Variants in NKAIN3 observed in about 807,000 individuals in gnomAD.
NKAIN3 encodes the protein sodium/potassium transporting ATPase interacting 3.
Under a neutral mutation model 30.2 loss-of-function variants are expected in NKAIN3, and 25 were observed. The observed-to-expected ratio is 0.83, with a 90% CI of 0.60 to 1.16. The LOEUF is 1.16. NKAIN3 is among the 50% of genes most tolerant of loss of function. NKAIN3 has a pLI of 0.00. For missense variants in NKAIN3, 225 were observed against 254.1 expected, an observed-to-expected ratio of 0.89 and a Z score of 0.78; for synonymous variants, 91 against 89.6, an observed-to-expected ratio of 1.02 and a Z score of -0.09.
rs1824168852 is a variant in NKAIN3 at position 62,984,762 on chromosome 8, G to A, written c.*19355G>A. 1 of 152,120 alleles carries A rather than the reference G, an allele frequency of 6.6e-6. No homozygotes were observed. Among genetic ancestry groups the A allele is most frequent in the South Asian group, 2.1e-4 (1 of 4,826 alleles). The allele number at this position is 152,120 out of a possible 1,614,324, so 9.4% of individuals were successfully genotyped here. On this transcript the variant is annotated 3_prime_UTR_variant, in exon 7 of 7. Transcript: ENST00000623646. ...CTGTATATTATACTCATATTTGAAA[G>A]TGATCAGAAAGTGTTATTTAACAGA...
intron 3 of NKAIN3, among the ~76,000 whole-genome samples, chr8:62,641,592 G>A (rs1230906903): frequency 1.3e-5 from 2 of 152,158 alleles, no homozygotes; most frequent in African/African-American, 4.8e-5. Flanking sequence ...CCTGACTCTA[G>A]ACAGACTCAA....
At chr8:62,544,633 TA>T (rs1195052995) in intron 1 of NKAIN3, among the ~76,000 whole-genome samples, 3 of 150,986 alleles carry the variant, frequency 2.0e-5, no homozygotes, top group Admixed American at 1.3e-4. Flanking sequence ...TATTATCCCC[TA>T]AAGTTCTTCA....
chr8:62,927,870 A>G (rs566468197), intron 5 of NKAIN3, among the ~76,000 whole-genome samples: 11 of 152,350 alleles, frequency 7.2e-5, no homozygotes, highest in Admixed American at 2.0e-4. Context: ...AGACAATAAA[A>G]GAGATGTTTA....
At chr8:62,766,556 T>C (rs550124008) in intron 4 of NKAIN3, among the ~76,000 whole-genome samples, 10 of 152,288 alleles carry the variant, frequency 6.6e-5, no homozygotes, top group Middle Eastern at 3.4e-3. Flanking sequence ...CTGAGCCAGA[T>C]GCTGAAATGA....
intron 1 of NKAIN3, among the ~76,000 whole-genome samples, chr8:62,316,573 C>G (rs944266054): frequency 2.6e-5 from 4 of 152,088 alleles, no homozygotes; most frequent in African/African-American, 9.7e-5. Context: ...ATGATGGTTT[C>G]CAGCTTCATC....
intron 1 of NKAIN3, among the ~76,000 whole-genome samples, chr8:62,558,883 TG>T (rs1809485100): frequency 6.6e-6 from 1 of 152,116 alleles, no homozygotes; most frequent in African/African-American, 2.4e-5. Context: ...ATGTTGTTTT[TG>T]CTTTCATACA....
Position 62,668,968 on chromosome 8 carries a change from A to G in NKAIN3, c.274-77964A>G, listed in dbSNP as rs567520334. Reference sequence around the variant, plus strand: ...TCTCAATAAATGCAACTAATTCTGTATCTAATCCTAGACTAACCATTTTCT... The same window carrying G: ...TCTCAATAAATGCAACTAATTCTGTGTCTAATCCTAGACTAACCATTTTCT... On this transcript the variant is annotated intron_variant, in intron 3 of 6. Transcript: ENST00000623646. Among the ~76,000 whole-genome samples, 11 of 152,324 alleles carry G rather than the reference A, an allele frequency of 7.2e-5. No individual in the cohort carries two copies. The South Asian group carries it at 2.3e-3, about 32-fold the overall frequency.
rs375700916 is a variant in NKAIN3, at chr8:62,366,730, A to G, written c.54+117603A>G. 5.3e-5 allele frequency among the ~76,000 whole-genome samples: 8 copies of G among 151,978 alleles called. No homozygotes were observed. In the South Asian group the frequency reaches 6.3e-4, roughly 12 times the overall value. On this transcript the variant is annotated intron_variant, in intron 1 of 6. Coordinates refer to ENST00000623646, the MANE Select transcript of NKAIN3 (RefSeq NM_001304533.3). ...TGATCTTTATTTTTTCTTTCCTCGT[A>G]CTAACTTTGGATTGAGTTTGTTTTT...
intron 1 of NKAIN3, among the ~76,000 whole-genome samples, chr8:62,411,447 T>C (rs993035856): frequency 6.6e-6 from 1 of 152,212 alleles, no homozygotes; most frequent in African/African-American, 2.4e-5. Context: ...AACATCATAT[T>C]GAATGGGCAA....
At chr8:62,869,360 G>A (rs1306039822) in intron 4 of NKAIN3, among the ~76,000 whole-genome samples, 1 of 152,106 alleles carries the variant, frequency 6.6e-6, no homozygotes, top group Non-Finnish European at 1.5e-5. Context: ...GGTGTGTGAT[G>A]TTCCCCTCCC....
At chr8:62,389,255 A>G (rs1268223923) in intron 1 of NKAIN3, among the ~76,000 whole-genome samples, 1 of 152,180 alleles carries the variant, frequency 6.6e-6, no homozygotes, top group Non-Finnish European at 1.5e-5. Context: ...GTGTTTCAAT[A>G]CATGTATACA....
At chr8:62,345,411 A>G (rs1035663058) in intron 1 of NKAIN3, among the ~76,000 whole-genome samples, 13 of 131,222 alleles carry the variant, frequency 9.9e-5, no homozygotes, top group Non-Finnish European at 1.7e-4. Flanking sequence ...ACATATATGT[A>G]TATATACACA....
intron 1 of NKAIN3, among the ~76,000 whole-genome samples, chr8:62,282,920 T>C (rs1813251344): frequency 6.6e-6 from 1 of 152,156 alleles, no homozygotes; most frequent in African/African-American, 2.4e-5. Flanking sequence ...TAACACTAGA[T>C]GCGCATTATA....
chr8:62,755,294 T>G (rs1464564586), intron 4 of NKAIN3, among the ~76,000 whole-genome samples: 1 of 152,170 alleles, frequency 6.6e-6, no homozygotes, highest in Non-Finnish European at 1.5e-5. Context: ...GGTTCGGGGG[T>G]AAACTCTGTC....
intron 1 of NKAIN3, among the ~76,000 whole-genome samples, chr8:62,388,923 G>A (rs1788298683): frequency 6.6e-6 from 1 of 152,126 alleles, no homozygotes; most frequent in Admixed American, 6.5e-5. Context: ...TTTATTAATG[G>A]GCCAGCCCAG....
At chr8:62,313,972 T>C (rs531383206) in intron 1 of NKAIN3, among the ~76,000 whole-genome samples, 1 of 152,248 alleles carries the variant, frequency 6.6e-6, no homozygotes, top group South Asian at 2.1e-4. Flanking sequence ...TACTCTCAAT[T>C]AAAGAGAAAT....
intron 1 of NKAIN3, among the ~76,000 whole-genome samples, chr8:62,430,959 G>A (rs1804976589): frequency 6.6e-6 from 1 of 151,854 alleles, no homozygotes; most frequent in African/African-American, 2.4e-5. Flanking sequence ...TAGGCATAGG[G>A]TCCAAAATAA....
At chr8:62,305,292 A>G (rs558397979) in intron 1 of NKAIN3, among the ~76,000 whole-genome samples, 4 of 150,512 alleles carry the variant, frequency 2.7e-5, no homozygotes, top group East Asian at 1.9e-4. Flanking sequence ...TAAAGCTCCA[A>G]TGGTTACAGA....
At chr8:62,758,638 G>T (rs1024732738) in intron 4 of NKAIN3, among the ~76,000 whole-genome samples, 2 of 152,120 alleles carry the variant, frequency 1.3e-5, no homozygotes, top group Admixed American at 1.3e-4. Flanking sequence ...GGTTGACAGA[G>T]TAAATGAGTT....
Sources: gnomAD v4.1 joint callset for allele counts (sites outside exome capture counted in the v4.1 genomes callset) on GRCh38, gnomAD v4.1.1 for gene constraint, MANE v1.5 for transcripts, NCBI Gene and HGNC (gene_info 2026-07-23, HGNC 2026-07-21) for gene names.